The following SORCS1 variants were observed in gnomAD, a reference collection of about 807,000 sequenced individuals.
The protein encoded by SORCS1 is sortilin related VPS10 domain containing receptor 1.
Under a neutral mutation model 146.1 loss-of-function variants are expected in SORCS1, and 60 were observed. That is an observed-to-expected ratio of 0.41 (90% CI 0.33 to 0.51). The LOEUF is 0.51. Ranked by LOEUF, SORCS1 falls within the 20% of genes least tolerant of loss-of-function variation. The probability of loss-of-function intolerance (pLI) is 0.21; values close to 1 mark genes in which losing one functional copy is unlikely to be tolerated. For missense variants in SORCS1, 1,352 were observed against 1,487.6 expected (o/e 0.91, Z 1.50); for synonymous variants, 637 against 584.0 (o/e 1.09, Z -1.31).
rs566307149 is a variant in SORCS1, at chr10:107,118,814, A to T, written c.558+45155T>A. On this transcript the variant is annotated intron_variant, in intron 1 of 25. Coordinates refer to ENST00000263054, the MANE Select transcript of SORCS1 (RefSeq NM_052918.5). ...CTCTATTTCTGGGTACCATAAAATA[A>T]CATATAACTATGTCTGAGCAATGGA... Among the ~76,000 whole-genome samples, 21 of 152,328 alleles carry T rather than the reference A, an allele frequency of 1.4e-4. 1 individual carries two copies. The South Asian group carries it at 4.3e-3, about 32-fold the overall frequency.
At chr10:106,817,952 C>G (rs75283871) in intron 3 of SORCS1, among the ~76,000 whole-genome samples, 2,901 of 152,320 alleles carry the variant, frequency 0.019, 80 homozygotes, top group African/African-American at 0.064. Flanking sequence ...TCTCTAAACT[C>G]TTAAAGCCTT....
chr10:106,902,354 GA>G (rs1191427610), intron 2 of SORCS1, among the ~76,000 whole-genome samples: 6 of 151,842 alleles, frequency 4.0e-5, no homozygotes, highest in African/African-American at 1.5e-4. Context: ...AATTTGTCTT[GA>G]AAATTATCAA....
Position 106,759,781 on chromosome 10 carries a change from A to G in SORCS1, c.959+1807T>C, listed in dbSNP as rs144104401. 8.5e-3 allele frequency among the ~76,000 whole-genome samples: 1,295 copies of G among 152,144 alleles called. 19 individuals carry two copies. The highest frequency in any genetic ancestry group is 0.03 in the African/African-American group (1,236 of 41,512). ...TCTCTTCACGTATTTCTCTTTTCCCATACACAGATTCCCGCTAACATATAT... is the reference window on the plus strand; with the variant it reads ...TCTCTTCACGTATTTCTCTTTTCCCGTACACAGATTCCCGCTAACATATAT... On this transcript the variant is annotated intron_variant, in intron 5 of 25. Transcript: ENST00000263054.
intron 5 of SORCS1, among the ~76,000 whole-genome samples, chr10:106,743,149 G>T (rs1300660673): frequency 6.6e-6 from 1 of 152,016 alleles, no homozygotes; most frequent in Non-Finnish European, 1.5e-5. Flanking sequence ...ATGTGACAAA[G>T]AAAAGAGAGA....
chr10:107,015,696 A>T (rs919521470), intron 1 of SORCS1, among the ~76,000 whole-genome samples: 1 of 152,186 alleles, frequency 6.6e-6, no homozygotes, highest in Non-Finnish European at 1.5e-5. Flanking sequence ...CAATGAGGAC[A>T]GATGTTTTGC....
At position 106,680,214 on chromosome 10, in the gene SORCS1, TA is replaced by T. The variant is rs199502856; in HGVS notation, c.1561-481del. ...AACAGTAGGTAGATGTTCAAGACGT[TA>T]AAGAATATTTCAAGCCTGAGTAACA... On this transcript the variant is annotated intron_variant, in intron 10 of 25. Transcript: ENST00000263054. 2.7e-3 allele frequency among the ~76,000 whole-genome samples: 414 copies of T among 152,230 alleles called. 17 individuals carry two copies. The East Asian group carries it at 0.073, about 27-fold the overall frequency.
intron 2 of SORCS1, among the ~76,000 whole-genome samples, chr10:106,844,294 G>A (rs1949207864): frequency 6.6e-6 from 1 of 151,792 alleles, no homozygotes; most frequent in Non-Finnish European, 1.5e-5. Context: ...TTGTTTCTTT[G>A]CTATGCAGAA....
chr10:106,615,142 A>G (rs1357907947), intron 21 of SORCS1, among the ~76,000 whole-genome samples: 1 of 152,188 alleles, frequency 6.6e-6, no homozygotes, highest in African/African-American at 2.4e-5. Context: ...TTCTTAGAGT[A>G]TTCTGGAAAA....
chr10:107,122,162 C>T (rs940891294), intron 1 of SORCS1, among the ~76,000 whole-genome samples: 2 of 152,152 alleles, frequency 1.3e-5, no homozygotes, highest in East Asian at 3.9e-4. Context: ...GGAAAATACC[C>T]GTTCAAATGA....
chr10:106,620,243 G>A, intron 20 of SORCS1, 185 bp downstream of exon 20: 1 of 606,126 alleles, frequency 1.6e-6, no homozygotes, highest in Non-Finnish European at 2.6e-6. Context: ...AAGGTGGAGA[G>A]GGGCCAGAGA....
At chr10:106,674,553 A>G (rs563527189) in intron 14 of SORCS1, among the ~76,000 whole-genome samples, 2 of 152,202 alleles carry the variant, frequency 1.3e-5, no homozygotes, top group South Asian at 4.1e-4. Flanking sequence ...AGCGTCATTA[A>G]TCTTTCACAA....
chr10:106,724,525 T>A (rs1856013646), intron 6 of SORCS1, among the ~76,000 whole-genome samples: 1 of 150,820 alleles, frequency 6.6e-6, no homozygotes, highest in Non-Finnish European at 1.5e-5. Flanking sequence ...CAAAATAAAA[T>A]AAAATAAAAA....
At chr10:106,752,035 A>G (rs1564931050) in intron 5 of SORCS1, among the ~76,000 whole-genome samples, 1 of 152,202 alleles carries the variant, frequency 6.6e-6, no homozygotes, top group Admixed American at 6.5e-5. Context: ...TTTTAATGCT[A>G]AAAATAAGAC....
At chr10:106,673,856 C>T (rs1256040082) in intron 14 of SORCS1, among the ~76,000 whole-genome samples, 3 of 152,068 alleles carry the variant, frequency 2.0e-5, no homozygotes, top group Non-Finnish European at 4.4e-5. Flanking sequence ...TGAAGAAAAG[C>T]CATGAAGTGG....
chr10:107,173,005 T>C, the SORCS1 span, among the ~76,000 whole-genome samples: 1 of 152,198 alleles, frequency 6.6e-6, no homozygotes, highest in Non-Finnish European at 1.5e-5. Flanking sequence ...ATATGTTGTT[T>C]CTGTGATTTT....
At chr10:106,827,735 C>A (rs1564705351) in intron 3 of SORCS1, among the ~76,000 whole-genome samples, 3 of 152,092 alleles carry the variant, frequency 2.0e-5, no homozygotes, top group Admixed American at 2.0e-4. Context: ...AAGTAGCCAG[C>A]CAATTAAGGG....
At chr10:106,629,775 G>A (rs1848326954) in intron 18 of SORCS1, among the ~76,000 whole-genome samples, 1 of 152,244 alleles carries the variant, frequency 6.6e-6, no homozygotes, top group South Asian at 2.1e-4. Context: ...GTCAGGCACA[G>A]TGGCTCATGC....
chr10:106,843,231 T>C (rs977726622), intron 2 of SORCS1, among the ~76,000 whole-genome samples: 2 of 152,074 alleles, frequency 1.3e-5, no homozygotes, highest in Non-Finnish European at 2.9e-5. Context: ...TTTTTATGCT[T>C]TGACTCATAT....
intron 2 of SORCS1, among the ~76,000 whole-genome samples, chr10:106,919,517 A>G (rs1952603086): frequency 6.6e-6 from 1 of 152,200 alleles, no homozygotes; most frequent in South Asian, 2.1e-4. Context: ...CTTCATTATC[A>G]GATACCTTGG....
Sources: allele counts gnomAD v4.1 joint callset (sites outside exome capture counted in the v4.1 genomes callset), GRCh38; gene constraint gnomAD v4.1.1; transcripts MANE v1.5; gene names NCBI Gene and HGNC (gene_info 2026-07-23, HGNC 2026-07-21).